The following IFT88 variants were observed in gnomAD, a reference collection of about 807,000 sequenced individuals.
IFT88 encodes intraflagellar transport 88, also known as intraflagellar transport protein 88 homolog.
IFT88 carries 74 observed loss-of-function variants against 119.5 expected under a neutral mutation model. The ratio of observed to expected loss-of-function variants is 0.62; its 90% CI spans 0.51 to 0.75. The LOEUF (loss-of-function observed/expected upper bound fraction) is 0.75. Among genes scored for constraint, IFT88 ranks in the 30% least tolerant of loss-of-function variants. The pLI is 0.00. For synonymous variants in IFT88, 279 were observed against 316.7 expected (o/e 0.88, Z 1.26); for missense variants, 961 against 977.7 (o/e 0.98, Z 0.23).
Position 20,625,838 on chromosome 13 carries a change from G to A in IFT88, c.1288G>A (p.Asp430Asn), listed in dbSNP as rs1310885063. ...NKAVTYLRQK[D>N]YNQAVEILKV... ...AGCAGTTACATACTTGAGACAAAAA[G>A]ACTATAACCAAGTAAGTTTTAAAAA... The change falls in exon 15 of 26, where the codon GAC becomes AAC. Residue 430 changes from aspartate to asparagine, a missense_variant. By Grantham distance (23) the Asp-to-Asn change is conservative. Transcript: ENST00000351808. The A allele has an allele frequency of 2.0e-5, 32 of 1,582,386 alleles. No homozygotes were observed. In the East Asian group the frequency reaches 7.3e-4, roughly 36 times the overall value.
chr13:20,640,348 C>T (rs1257344963), intron 17 of IFT88, among the ~76,000 whole-genome samples: 1 of 150,824 alleles, frequency 6.6e-6, no homozygotes, highest in Non-Finnish European at 1.5e-5. Flanking sequence ...CCAAGGCAGG[C>T]GGATCATGAG....
chr13:20,568,133 A>G, intron 1 of IFT88: 1 of 635,502 alleles, frequency 1.6e-6, no homozygotes, highest in East Asian at 2.7e-5. Context: ...CTTGAAGTAG[A>G]CTGTCCATAG....
chr13:20,610,370 A>G (rs1422321407), intron 13 of IFT88, among the ~76,000 whole-genome samples: 24 of 152,132 alleles, frequency 1.6e-4, no homozygotes, highest in African/African-American at 5.1e-4. Flanking sequence ...ATTATTTTTC[A>G]GAAGAATTTG....
chr13:20,654,881 T>A (rs529177478), intron 21 of IFT88, among the ~76,000 whole-genome samples: 1 of 152,266 alleles, frequency 6.6e-6, no homozygotes, highest in East Asian at 1.9e-4. Context: ...TCTAAATGAT[T>A]TAAAGACATA....
intron 13 of IFT88, 78 bp downstream of exon 13, chr13:20,605,183 T>C: frequency 1.8e-6 from 1 of 544,992 alleles, no homozygotes; most frequent in Non-Finnish European, 3.2e-6. Context: ...AGATACTTAA[T>C]ATTTGAAACT....
At chr13:20,662,663 A>C (rs1338022917) in intron 22 of IFT88, among the ~76,000 whole-genome samples, 1 of 152,254 alleles carries the variant, frequency 6.6e-6, no homozygotes, top group African/African-American at 2.4e-5. Context: ...TTTTTAAATG[A>C]GATAATAAAA....
intron 14 of IFT88, among the ~76,000 whole-genome samples, chr13:20,625,500 A>T (rs1241958412): frequency 1.3e-5 from 2 of 152,220 alleles, no homozygotes; most frequent in Non-Finnish European, 2.9e-5. Flanking sequence ...ATGAGAATGT[A>T]GGTATCAGTC....
At chr13:20,590,879 A>G in intron 4 of IFT88, 88 bp from the exon 5 acceptor site, 1 of 874,650 alleles carries the variant, frequency 1.1e-6, no homozygotes, top group Non-Finnish European at 1.9e-6. Flanking sequence ...ATTTGCCGAT[A>G]GAATGAAGAA....
In IFT88 at chr13:20,591,636, A is replaced by G. The variant is rs375150650; in HGVS notation, c.283A>G (p.Met95Val). The change falls in exon 6 of 26, where the codon ATG (methionine) becomes GTG (valine). Residue 95 changes from methionine (M) to valine (V), a missense_variant. Coordinates refer to ENST00000351808, the MANE Select transcript of IFT88 (RefSeq NM_006531.5). ...GAIQDGVTRP[M>V]TAVRAAGFTK... ...TTTAAAGGATGGAGTTACTAGACCC[A>G]TGACAGCAGTGAGAGCAGCTGGTTT... 37 of 1,612,578 alleles carry G rather than the reference A, an allele frequency of 2.3e-5. No homozygotes were observed. Among genetic ancestry groups the G allele is most frequent in the Non-Finnish European group, 2.6e-5 (31 of 1,178,978 alleles).
chr13:20,582,274 A>G (rs753392511), intron 2 of IFT88, among the ~76,000 whole-genome samples: 5 of 152,220 alleles, frequency 3.3e-5, no homozygotes, highest in Admixed American at 6.5e-5. Context: ...GCCCTTGATT[A>G]CTGTTCTTTT....
At chr13:20,630,094 C>T (rs1344288767) in intron 15 of IFT88, among the ~76,000 whole-genome samples, 3 of 152,166 alleles carry the variant, frequency 2.0e-5, no homozygotes, top group Non-Finnish European at 4.4e-5. Flanking sequence ...TTTTGTAACA[C>T]TCCCAGAATT....
chr13:20,634,706 C>T (rs2048734137), intron 16 of IFT88, among the ~76,000 whole-genome samples: 2 of 147,238 alleles, frequency 1.4e-5, no homozygotes, highest in South Asian at 2.2e-4. Context: ...CCAGCCTGGG[C>T]GACAGAACGA....
chr13:20,653,134 T>A (rs1339852174), intron 20 of IFT88, among the ~76,000 whole-genome samples: 2 of 152,220 alleles, frequency 1.3e-5, no homozygotes, highest in Admixed American at 1.3e-4. Flanking sequence ...GGTGGCCGTG[T>A]AGGCAATGGA....
chr13:20,659,408 C>T (rs929398261), intron 22 of IFT88, among the ~76,000 whole-genome samples: 4 of 151,888 alleles, frequency 2.6e-5, no homozygotes, highest in Admixed American at 6.6e-5. Flanking sequence ...ATGGAAGGAT[C>T]GCTTGAACCC....
At chr13:20,675,309 C>A (rs1242253043) in intron 24 of IFT88, among the ~76,000 whole-genome samples, 1 of 152,138 alleles carries the variant, frequency 6.6e-6, no homozygotes, top group Non-Finnish European at 1.5e-5. Flanking sequence ...TGCCTGTCAG[C>A]CTCAGTCCCA....
intron 23 of IFT88, among the ~76,000 whole-genome samples, chr13:20,664,504 AG>A (rs2054326327): frequency 6.6e-6 from 1 of 152,164 alleles, no homozygotes; most frequent in Admixed American, 6.5e-5. Flanking sequence ...GAACACTGTG[AG>A]CCCCATAATG....
chr13:20,611,927 T>C (rs1007099602), intron 13 of IFT88, among the ~76,000 whole-genome samples: 2 of 152,164 alleles, frequency 1.3e-5, no homozygotes, highest in Non-Finnish European at 2.9e-5. Context: ...GTTCTGTTCA[T>C]CATTGAACTG....
chr13:20,682,203 CTG>C (rs2057402157), intron 24 of IFT88, among the ~76,000 whole-genome samples: 1 of 152,356 alleles, frequency 6.6e-6, no homozygotes, highest in African/African-American at 2.4e-5. Flanking sequence ...GAATTAGAGT[CTG>C]TGAATTAGCA....
At chr13:20,606,962 C>T (rs1016918558) in intron 13 of IFT88, among the ~76,000 whole-genome samples, 1 of 152,138 alleles carries the variant, frequency 6.6e-6, no homozygotes, top group Non-Finnish European at 1.5e-5. Flanking sequence ...TTTTAAAACT[C>T]TGAAAAAAGA....
Sources: gnomAD v4.1 joint callset for allele counts (sites outside exome capture counted in the v4.1 genomes callset) on GRCh38, gnomAD v4.1.1 for gene constraint, MANE v1.5 for transcripts, NCBI Gene and HGNC (gene_info 2026-07-23, HGNC 2026-07-21) for gene names.